PPM1L: variants seen among roughly 807,000 people sequenced by gnomAD.
PPM1L encodes the protein protein phosphatase 1L.
Under a neutral mutation model 31.4 loss-of-function variants are expected in PPM1L, and 13 were observed. The observed-to-expected ratio is 0.41, with a 90% CI of 0.27 to 0.66. The LOEUF is 0.66. Among genes scored for constraint, PPM1L ranks in the 30% least tolerant of loss-of-function variants. The probability of loss-of-function intolerance (pLI) is 0.29; values close to 1 mark genes in which losing one functional copy is unlikely to be tolerated. For synonymous variants in PPM1L, 184 were observed against 175.4 expected (o/e 1.05, Z -0.39); for missense variants, 326 against 453.7 (o/e 0.72, Z 2.56).
chr3:160,762,837 C>T lies in PPM1L; in HGVS notation c.399+6130C>T, dbSNP rs146397980. ...TTTGTCAGGAGTAGGCTTTCCCCAA[C>T]GGTAATCATTCTAGAAGCTCATTCA... On this transcript the variant is annotated intron_variant, in intron 1 of 3. Coordinates refer to ENST00000498165, the MANE Select transcript of PPM1L (RefSeq NM_139245.4). Among the ~76,000 whole-genome samples the T allele has an allele frequency of 2.8e-4, 43 of 152,242 alleles. No individual in the cohort carries two copies. The East Asian group carries it at 4.0e-3, about 14-fold the overall frequency.
At chr3:161,025,201 G>A (rs969193760) in intron 2 of PPM1L, among the ~76,000 whole-genome samples, 3 of 152,122 alleles carry the variant, frequency 2.0e-5, no homozygotes, top group Non-Finnish European at 4.4e-5. Flanking sequence ...AGTATCAAGA[G>A]GTGGGGCCTT....
chr3:160,829,767 T>C (rs906194099), intron 1 of PPM1L, among the ~76,000 whole-genome samples: 1 of 152,110 alleles, frequency 6.6e-6, no homozygotes, highest in African/African-American at 2.4e-5. Flanking sequence ...GGTAAAGTTA[T>C]TAAGGGAGCA....
intron 1 of PPM1L, among the ~76,000 whole-genome samples, chr3:160,804,123 G>A (rs1712525549): frequency 1.3e-5 from 2 of 151,238 alleles, no homozygotes; most frequent in South Asian, 2.1e-4. Context: ...TAGTAGAGAC[G>A]GGGTTTCACC....
intron 2 of PPM1L, among the ~76,000 whole-genome samples, chr3:161,012,578 G>A (rs1343872254): frequency 6.6e-6 from 1 of 151,772 alleles, no homozygotes; most frequent in Non-Finnish European, 1.5e-5. Context: ...GATTGGAATA[G>A]TTTCAGAAGG....
At chr3:160,959,661 C>G (rs1011437669) in intron 1 of PPM1L, among the ~76,000 whole-genome samples, 1 of 151,962 alleles carries the variant, frequency 6.6e-6, no homozygotes, top group African/African-American at 2.4e-5. Flanking sequence ...AAAACCCCGT[C>G]TCTACTAATA....
chr3:161,006,533 T>G (rs1717712079), intron 2 of PPM1L, among the ~76,000 whole-genome samples: 1 of 152,184 alleles, frequency 6.6e-6, no homozygotes. Context: ...AAAAAAGTTT[T>G]TTTTAAAGTA....
At chr3:160,843,077 C>T (rs1391101409) in intron 1 of PPM1L, among the ~76,000 whole-genome samples, 1 of 151,948 alleles carries the variant, frequency 6.6e-6, no homozygotes, top group Non-Finnish European at 1.5e-5. Context: ...GTCTCCAAAT[C>T]TAATTCTTTT....
intron 2 of PPM1L, among the ~76,000 whole-genome samples, chr3:161,044,870 C>G (rs1187457875): frequency 3.3e-5 from 5 of 152,084 alleles, no homozygotes; most frequent in African/African-American, 1.2e-4. Flanking sequence ...CTATATTCAG[C>G]AGACCCATCT....
intron 2 of PPM1L, among the ~76,000 whole-genome samples, chr3:161,060,231 G>A (rs1559940811): frequency 6.8e-6 from 1 of 147,154 alleles, no homozygotes. Flanking sequence ...ATCTTCATAT[G>A]GGTCAGTCAA....
intron 1 of PPM1L, among the ~76,000 whole-genome samples, chr3:160,909,532 C>T (rs976123187): frequency 6.6e-6 from 1 of 152,138 alleles, no homozygotes; most frequent in African/African-American, 2.4e-5. Flanking sequence ...TCAGGAGTTG[C>T]CTGGGTTCAG....
chr3:161,034,693 G>T (rs566452551), intron 2 of PPM1L, among the ~76,000 whole-genome samples: 20 of 151,990 alleles, frequency 1.3e-4, no homozygotes, highest in East Asian at 3.9e-4. Flanking sequence ...GGCCTGTCGG[G>T]GGGGTGGAGG....
intron 1 of PPM1L, among the ~76,000 whole-genome samples, chr3:160,880,509 G>C (rs1229351892): frequency 6.6e-6 from 1 of 152,012 alleles, no homozygotes; most frequent in African/African-American, 2.4e-5. Context: ...TTGTCATAAT[G>C]TTTTACTGCA....
rs1719889845 is a variant in PPM1L at position 161,070,843 on chromosome 3, G to A, written c.*1686G>A. ...TTTGAGAGAGTGAAGAAATTGCCTT[G>A]TAGATGTGGAGGGCTGCAATCTGTC... On this transcript the variant is annotated 3_prime_UTR_variant, in exon 4 of 4. Coordinates refer to ENST00000498165, the MANE Select transcript of PPM1L (RefSeq NM_139245.4). 1 of 152,208 alleles carries A rather than the reference G, an allele frequency of 6.6e-6. No homozygotes were observed. The highest frequency in any genetic ancestry group is 1.5e-5 in the Non-Finnish European group (1 of 68,052). The allele number at this position is 152,208 out of a possible 1,614,324, so 9.4% of individuals were successfully genotyped here.
intron 2 of PPM1L, among the ~76,000 whole-genome samples, chr3:160,972,442 A>G (rs1415112106): frequency 6.8e-6 from 1 of 146,884 alleles, no homozygotes. Flanking sequence ...GAGTGAGAAC[A>G]TGAGGTGTTT....
chr3:160,896,460 A>T (rs1003584024), intron 1 of PPM1L, among the ~76,000 whole-genome samples: 8 of 152,162 alleles, frequency 5.3e-5, no homozygotes, highest in Non-Finnish European at 1.0e-4. Context: ...TTCCTCAAAA[A>T]TTATATTAAT....
At position 161,068,857 on chromosome 3, in the gene PPM1L, G is replaced by C. The variant is rs757148742; in HGVS notation, c.783G>C (p.Leu261=). 1 of 1,614,068 alleles carries C rather than the reference G, an allele frequency of 6.2e-7. No homozygotes were observed. Among genetic ancestry groups the C allele is most frequent in the East Asian group, 2.2e-5 (1 of 44,876 alleles). ...FNGSWRVQGI[L]AMSRSLGDYP... ...GCTCCTGGAGGGTCCAGGGAATCCTGGCCATGTCTCGGTCCCTGGGGGATT... is the reference window on the plus strand; with the variant it reads ...GCTCCTGGAGGGTCCAGGGAATCCTCGCCATGTCTCGGTCCCTGGGGGATT... The change falls in exon 4 of 4, where the codon CTG becomes CTC. Residue 261 remains leucine (L), a synonymous_variant. Coordinates refer to ENST00000498165, the MANE Select transcript of PPM1L (RefSeq NM_139245.4).
intron 2 of PPM1L, among the ~76,000 whole-genome samples, chr3:161,027,297 G>T (rs979066397): frequency 2.0e-5 from 3 of 152,208 alleles, no homozygotes; most frequent in Non-Finnish European, 4.4e-5. Context: ...TGCAATCAAG[G>T]TGTAGGCCTA....
intron 1 of PPM1L, among the ~76,000 whole-genome samples, chr3:160,872,787 C>T (rs577600692): frequency 1.3e-5 from 2 of 152,028 alleles, no homozygotes; most frequent in Non-Finnish European, 2.9e-5. Flanking sequence ...ATTAGCTGGG[C>T]GTGGTGGCAG....
chr3:160,843,018 A>G (rs531878192), intron 1 of PPM1L, among the ~76,000 whole-genome samples: 19 of 152,154 alleles, frequency 1.2e-4, no homozygotes, highest in Non-Finnish European at 1.6e-4. Flanking sequence ...ACTTTTTCCA[A>G]TAGTTTTTGG....
Sources: gnomAD v4.1 joint callset for allele counts (sites outside exome capture counted in the v4.1 genomes callset) on GRCh38, gnomAD v4.1.1 for gene constraint, MANE v1.5 for transcripts, NCBI Gene and HGNC (gene_info 2026-07-23, HGNC 2026-07-21) for gene names.